The following ERICH1 variants were observed in gnomAD, a reference collection of about 807,000 sequenced individuals.
ERICH1 encodes the protein glutamate-rich protein 1.
ERICH1 carries 56 observed loss-of-function variants against 39.6 expected under a neutral mutation model. The ratio of observed to expected loss-of-function variants is 1.41; its 90% CI spans 1.14 to 1.77. The LOEUF (loss-of-function observed/expected upper bound fraction) is 1.77, where lower values mean the gene tolerates loss of function less well. Among genes scored for constraint, ERICH1 ranks in the 40% most tolerant of loss-of-function variants. ERICH1 has a pLI of 0.00. For missense variants in ERICH1, 826 were observed against 575.4 expected (o/e 1.44, Z -4.45); for synonymous variants, 313 against 223.6 (o/e 1.40, Z -3.57).
downstream of ERICH1, among the ~76,000 whole-genome samples, chr8:662,067 C>T (rs544387157): frequency 6.6e-6 from 1 of 152,170 alleles, no homozygotes; most frequent in Non-Finnish European, 1.5e-5. Flanking sequence ...ACATGACCCA[C>T]CAGCCCTGCA....
chr8:629,357 C>T lies in ERICH1; in HGVS notation c.977-14073G>A, dbSNP rs564434852. Reference sequence around the variant, plus strand: ...ACTCACACCCTCCTGTGACCACCCACACACACAGAGCTGACTCACACTCTC... The same window carrying T: ...ACTCACACCCTCCTGTGACCACCCATACACACAGAGCTGACTCACACTCTC... On this transcript the variant is annotated intron_variant, in intron 3 of 3. Coordinates refer to the ERICH1 transcript ENST00000522706. Among the ~76,000 whole-genome samples, 5 of 146,924 alleles carry T rather than the reference C, an allele frequency of 3.4e-5. No homozygotes were observed. In the East Asian group the frequency reaches 9.8e-4, roughly 29 times the overall value.
chr8:692,830 C>T (rs778359160), intron 2 of ERICH1, among the ~76,000 whole-genome samples: 1 of 152,228 alleles, frequency 6.6e-6, no homozygotes, highest in Non-Finnish European at 1.5e-5. Flanking sequence ...GAAAAAGGAA[C>T]TGCCCATGAT....
Position 616,958 on chromosome 8 carries a change from GACAC to G in ERICH1, c.977-1678_977-1675del, listed in dbSNP as rs141612342. Among the ~76,000 whole-genome samples, 3 of 23,800 alleles carry G rather than the reference GACAC, an allele frequency of 1.3e-4. 1 individual carries two copies. Among genetic ancestry groups the G allele is most frequent in the Admixed American group, 5.6e-4 (1 of 1,796 alleles). The allele number at this position is 23,800 out of a possible 152,430, so 15.6% of individuals were successfully genotyped here. A position where few individuals can be genotyped will look rare whatever the true frequency, so the allele number is the denominator to read the frequency against. On this transcript the variant is annotated intron_variant, in intron 3 of 3. Transcript: ENST00000522706. ...AGAGAGAGAGGGAGAGGGAGACAGA[GACAC>G]ACAGAGAGAGAGAGAGAGAGACATT...
At chr8:694,840 T>C (rs537773755) in intron 2 of ERICH1, among the ~76,000 whole-genome samples, 5 of 152,222 alleles carry the variant, frequency 3.3e-5, no homozygotes, top group Admixed American at 1.3e-4. Flanking sequence ...CTTTATGGGG[T>C]GGGCGGCAGC....
intron 2 of ERICH1, among the ~76,000 whole-genome samples, chr8:710,858 G>T (rs540569447): frequency 2.0e-5 from 3 of 152,190 alleles, no homozygotes; most frequent in Admixed American, 1.3e-4. Flanking sequence ...GTTTATTGAC[G>T]TTTTCCATCT....
At chr8:708,687 T>TGTTTTTTTTTTTTTTG (rs1245939471) in intron 2 of ERICH1, among the ~76,000 whole-genome samples, 13 of 51,082 alleles carry the variant, frequency 2.5e-4, no homozygotes, top group Non-Finnish European at 4.9e-4. Flanking sequence ...ATGAGTTTTT[T>TGTTTTTTTTTTTTTTG]TTTTTTTTTT....
chr8:622,825 G>C (rs1381142217), intron 3 of ERICH1, among the ~76,000 whole-genome samples: 2 of 151,930 alleles, frequency 1.3e-5, no homozygotes, highest in African/African-American at 4.8e-5. Context: ...AGGTGTAGTG[G>C]TGCACACCTG....
At chr8:643,107 A>G (rs1356536083) in intron 3 of ERICH1, among the ~76,000 whole-genome samples, 1 of 151,970 alleles carries the variant, frequency 6.6e-6, no homozygotes, top group African/African-American at 2.4e-5. Context: ...TTCAAGGTCC[A>G]GGGGAAGGCG....
chr8:681,289 G>A (rs1806061921), intron 3 of ERICH1, among the ~76,000 whole-genome samples: 1 of 152,174 alleles, frequency 6.6e-6, no homozygotes, highest in African/African-American at 2.4e-5. Flanking sequence ...GATGCTTCTG[G>A]ACAATGGAGC....
chr8:695,775 C>A (rs960688843), intron 2 of ERICH1, among the ~76,000 whole-genome samples: 20 of 109,902 alleles, frequency 1.8e-4, no homozygotes, highest in East Asian at 9.5e-4. Flanking sequence ...CCACTCCTCT[C>A]CTTCCTCCCC....
intron 3 of ERICH1, among the ~76,000 whole-genome samples, chr8:635,899 T>C (rs1288995647): frequency 1.3e-5 from 2 of 152,212 alleles, no homozygotes; most frequent in African/African-American, 4.8e-5. Context: ...GTTCACCCCA[T>C]TTAACTTGCA....
intron 3 of ERICH1, among the ~76,000 whole-genome samples, chr8:654,697 C>G (rs1361070410): frequency 6.6e-6 from 1 of 152,186 alleles, no homozygotes; most frequent in Non-Finnish European, 1.5e-5. Flanking sequence ...GAGGCCACCA[C>G]AGTGACATCC....
At chr8:721,431 C>A (rs952489229) in intron 1 of ERICH1, among the ~76,000 whole-genome samples, 1 of 152,220 alleles carries the variant, frequency 6.6e-6, no homozygotes, top group African/African-American at 2.4e-5. Flanking sequence ...CTGGGAGAGA[C>A]CTCACGGACA....
intron 2 of ERICH1, among the ~76,000 whole-genome samples, chr8:709,320 T>C (rs947468932): frequency 1.3e-5 from 2 of 152,188 alleles, no homozygotes; most frequent in Admixed American, 1.3e-4. Flanking sequence ...AAATCACATG[T>C]GAGACCATGT....
At chr8:720,226 C>T (rs911770426) in intron 1 of ERICH1, among the ~76,000 whole-genome samples, 1 of 152,208 alleles carries the variant, frequency 6.6e-6, no homozygotes, top group African/African-American at 2.4e-5. Flanking sequence ...GCCGCGCAGA[C>T]ATACCAACGG....
chr8:621,209 A>G (rs1384456027), intron 3 of ERICH1, among the ~76,000 whole-genome samples: 1 of 152,170 alleles, frequency 6.6e-6, no homozygotes, highest in Non-Finnish European at 1.5e-5. Flanking sequence ...AATTAGAAAA[A>G]AACTTGAGAA....
intron 1 of ERICH1, among the ~76,000 whole-genome samples, chr8:729,314 AACC>A: frequency 6.6e-6 from 1 of 152,174 alleles, no homozygotes. Flanking sequence ...CCCCACCTGC[AACC>A]ACCCCATGAC....
intron 2 of ERICH1, among the ~76,000 whole-genome samples, chr8:697,529 C>T (rs1234269077): frequency 2.6e-5 from 4 of 152,182 alleles, no homozygotes; most frequent in East Asian, 1.9e-4. Context: ...CAGCCCCAGG[C>T]GACCCCTCCT....
chr8:707,396 T>C (rs1300705072), intron 2 of ERICH1, among the ~76,000 whole-genome samples: 2 of 151,952 alleles, frequency 1.3e-5, no homozygotes, highest in African/African-American at 4.8e-5. Flanking sequence ...TTAGTAGAGA[T>C]GGGGTTTCAC....
Sources: gnomAD v4.1 joint callset for allele counts (sites outside exome capture counted in the v4.1 genomes callset) on GRCh38, gnomAD v4.1.1 for gene constraint, MANE v1.5 for transcripts, NCBI Gene and HGNC (gene_info 2026-07-23, HGNC 2026-07-21) for gene names.